The following KMT2C variants were observed in gnomAD, a reference collection of about 807,000 sequenced individuals.
KMT2C encodes lysine methyltransferase 2C, also known as histone-lysine N-methyltransferase 2C.
KMT2C carries 88 observed loss-of-function variants against 507.9 expected under a neutral mutation model. The observed-to-expected ratio is 0.17, with a 90% CI of 0.15 to 0.21. KMT2C has a LOEUF of 0.21. Ranked by LOEUF, KMT2C falls within the 10% of genes least tolerant of loss-of-function variation. The pLI, the probability that KMT2C is intolerant of heterozygous loss-of-function variation, is 1.00. For missense variants in KMT2C, 4,954 were observed against 5,957.8 expected (o/e 0.83, Z 5.55); for synonymous variants, 2,049 against 2,080.8 (o/e 0.98, Z 0.42).
intron 3 of KMT2C, among the ~76,000 whole-genome samples, chr7:152,322,907 T>C (rs910099199): frequency 2.0e-5 from 3 of 152,110 alleles, no homozygotes; most frequent in Admixed American, 2.0e-4. Context: ...AACAGGTACA[T>C]GAGAAAATGT....
Position 152,138,706 on chromosome 7 carries a change from G to A in KMT2C, c.14643+90C>T, listed in dbSNP as rs2090166088. 2 of 817,572 alleles carry A rather than the reference G, an allele frequency of 2.4e-6. No individual in the cohort carries two copies. The highest frequency in any genetic ancestry group is 4.0e-6 in the Non-Finnish European group (2 of 499,738). 50.6% of individuals were successfully genotyped at this position (817,572 alleles called of 1,614,324 possible). ...GAGTTTTTATCACAACAAAGAATTG[G>A]GAAACAAGTGAGTAAGTGACCTGTG... On this transcript the variant is annotated intron_variant, in intron 58 of 58. Transcript: ENST00000262189. This position sits in a 1 kb window ranked among gnomAD's most constrained non-coding sequence, Gnocchi z 4.2.
chr7:152,278,279 T>A (rs75339372), intron 6 of KMT2C, among the ~76,000 whole-genome samples: 6,409 of 152,110 alleles, frequency 0.042, 471 homozygotes, highest in African/African-American at 0.15. Flanking sequence ...TTTTTTTTTT[T>A]AATTTATATT....
rs746486750 is a variant in KMT2C, at chr7:152,202,916, T to C, written c.4092+18A>G. ...TCAATTAACAAACCATGTAAAATAA[T>C]GTAAAGCAAAATATTACTTGTAAAT... On this transcript the variant is annotated intron_variant, in intron 26 of 58. Transcript: ENST00000262189. 9.6e-6 allele frequency: 15 copies of C among 1,568,948 alleles called. No homozygotes were observed. Among genetic ancestry groups the C allele is most frequent in the Non-Finnish European group, 1.2e-5 (14 of 1,147,024 alleles).
In KMT2C at chr7:152,152,830, G is replaced by A. The variant is rs777060178; in HGVS notation, c.12401C>T (p.Pro4134Leu). ...MGLVSSHRIN[P>L]GLEYRQHLLL... ...TAAATGCTGTCGATACTCCAAACCC[G>A]GGTTGATTCTGTGGCTACTGACCAA... Residue 4134 changes from proline to leucine, a missense_variant, in exon 49 of 59, where the codon CCG becomes CTG. Physicochemically the swap from Pro to Leu is moderately conservative, Grantham distance 98. Transcript: ENST00000262189. 42 of 1,614,044 alleles carry A rather than the reference G, an allele frequency of 2.6e-5. No homozygotes were observed. Among genetic ancestry groups the A allele is most frequent in the Non-Finnish European group, 3.1e-5 (37 of 1,180,038 alleles).
chr7:152,215,100 G>A (rs1331872717), intron 23 of KMT2C, among the ~76,000 whole-genome samples: 5 of 151,826 alleles, frequency 3.3e-5, no homozygotes, highest in African/African-American at 1.2e-4. Flanking sequence ...TATCCTACCT[G>A]CCAAAAACAG....
Position 152,182,509 on chromosome 7 carries a change from T to G in KMT2C, c.5351A>C (p.Gln1784Pro). Residue 1784 changes from glutamine (Q) to proline (P), a missense_variant, in exon 36 of 59, where the codon CAA (glutamine) becomes CCA (proline). Physicochemically the swap from Gln to Pro is moderately conservative, Grantham distance 76. Transcript: ENST00000262189. The part of the protein sequence containing the change: ...EQVKNEQQQQ[Q>P]QQQFGSQHLL... ...ATGCTGAGAACCAAATTGCTGTTGTTGCTGCTGCTGCTGCTCATTTTTCAC... is the reference window on the plus strand; with the variant it reads ...ATGCTGAGAACCAAATTGCTGTTGTGGCTGCTGCTGCTGCTCATTTTTCAC... 2 of 1,612,548 alleles carry G rather than the reference T, an allele frequency of 1.2e-6. No individual in the cohort carries two copies. The highest frequency in any genetic ancestry group is 1.7e-6 in the Non-Finnish European group (2 of 1,179,062).
At chr7:152,151,697 T>A in intron 49 of KMT2C, 116 bp from the exon 50 acceptor site, 2 of 700,652 alleles carry the variant, frequency 2.9e-6, no homozygotes, top group Non-Finnish European at 4.3e-6. Context: ...CATTATTCTT[T>A]AATTAATAAA....
chr7:152,179,051 C>T (rs1398113122), intron 37 of KMT2C, among the ~76,000 whole-genome samples: 3 of 152,306 alleles, frequency 2.0e-5, no homozygotes, highest in African/African-American at 7.2e-5. Context: ...AGTGCAGTGG[C>T]GTGACCTCGG....
chr7:152,354,260 G>GA (rs927493219), intron 2 of KMT2C, among the ~76,000 whole-genome samples: 22 of 150,408 alleles, frequency 1.5e-4, no homozygotes, highest in East Asian at 9.7e-4. Flanking sequence ...CTCCAGTAAG[G>GA]AAAAAAAAAT....
At chr7:152,424,154 G>T (rs1047482131) in intron 1 of KMT2C, among the ~76,000 whole-genome samples, 10 of 151,984 alleles carry the variant, frequency 6.6e-5, no homozygotes, top group African/African-American at 2.4e-4. Context: ...CTGTCACCCA[G>T]GCTGGGTGGG....
chr7:152,180,811 G>A lies in KMT2C; in HGVS notation c.7049C>T (p.Ser2350Phe), dbSNP rs2129119170. Residue 2350 changes from serine (S) to phenylalanine (F), a missense_variant, in exon 36 of 59, where the codon TCT becomes TTT. Ser to Phe is a radical substitution (Grantham distance 155). This residue lies in a region of KMT2C where 1,689 missense variants were observed against 1,654.3 expected (regional missense o/e 1.02). Transcript: ENST00000262189. ...AGGTCCAGGAAGTTGGGAGACACCA[G>A]AGAACTGCTGGCCTTGGGAGTGCAT... is the stretch of plus-strand genomic sequence containing the variant. ...SPMHSQGQQF[S>F]GVSQLPGPVP... The A allele has an allele frequency of 1.9e-6, 3 of 1,614,158 alleles. No individual in the cohort carries two copies. Among genetic ancestry groups the A allele is most frequent in the Non-Finnish European group, 2.5e-6 (3 of 1,180,014 alleles).
rs145841359 is a variant in KMT2C, at chr7:152,311,876, C to A, written c.661G>T (p.Ala221Ser). 6.2e-7 allele frequency: 1 copy of A among 1,611,858 alleles called. No individual in the cohort carries two copies. Among genetic ancestry groups the A allele is most frequent in the South Asian group, 1.1e-5 (1 of 90,894 alleles). ...VSTQTASDDQ[A>S]GKLWDELSLV... Reference sequence around the variant, plus strand: ...CTGAGTTCATCCCACAGTTTACCAGCTTGATCATCTGAAGCTGTCTGGGTG... The same window carrying A: ...CTGAGTTCATCCCACAGTTTACCAGATTGATCATCTGAAGCTGTCTGGGTG... The change falls in exon 5 of 59, where the codon GCT (alanine) becomes TCT (serine). Residue 221 changes from alanine to serine, a missense_variant. Ala to Ser is a moderately conservative substitution (Grantham distance 99). Coordinates refer to ENST00000262189, the MANE Select transcript of KMT2C (RefSeq NM_170606.3).
In KMT2C at chr7:152,187,347, T is replaced by C; in HGVS notation, c.4923A>G (p.Lys1641=). 6.2e-7 allele frequency: 1 copy of C among 1,614,178 alleles called. No homozygotes were observed. Among genetic ancestry groups the C allele is most frequent in the Admixed American group, 1.7e-5 (1 of 60,026 alleles). Residue 1641 remains lysine, a synonymous_variant, in exon 33 of 59, where the codon AAA becomes AAG. Transcript: ENST00000262189. ...NAQRSTLKWE[K]EEALGEMATV... ...TTGCCATTTCACCCAGAGCCTCCTCTTTCTCCCACTTAAGCGTGCTTCTCT... is the reference window on the plus strand; with the variant it reads ...TTGCCATTTCACCCAGAGCCTCCTCCTTCTCCCACTTAAGCGTGCTTCTCT...
At chr7:152,367,554 C>G (rs918657796) in intron 1 of KMT2C, 7 of 1,239,114 alleles carry the variant, frequency 5.6e-6, no homozygotes, top group African/African-American at 2.9e-5. Context: ...CATTAATCAA[C>G]TCATTATTCC....
chr7:152,433,964 T>C lies in KMT2C; in HGVS notation c.161+1662A>G, dbSNP rs200591782. ...TGGAGTAAGAATTCAAATGCAAATT[T>C]AAAACAATACTTGCAAATTAATGTT... On this transcript the variant is annotated intron_variant, in intron 1 of 58. Transcript: ENST00000262189. Among the ~76,000 whole-genome samples the C allele has an allele frequency of 1.2e-4, 18 of 151,730 alleles. No individual in the cohort carries two copies. In the East Asian group the frequency reaches 2.5e-3, roughly 21 times the overall value.
intron 1 of KMT2C, among the ~76,000 whole-genome samples, chr7:152,434,139 C>T (rs570391013): frequency 1.9e-4 from 29 of 152,324 alleles, no homozygotes; most frequent in African/African-American, 7.0e-4. Flanking sequence ...CTTCCTTCTA[C>T]AAATTTCAGT....
intron 15 of KMT2C, among the ~76,000 whole-genome samples, chr7:152,236,403 ATAG>A (rs2095275840): frequency 6.6e-6 from 1 of 152,200 alleles, no homozygotes; most frequent in African/African-American, 2.4e-5. Flanking sequence ...ACAATCCCAT[ATAG>A]TAGGTTTTAT....
chr7:152,333,180 T>A (rs1010203676), intron 2 of KMT2C, among the ~76,000 whole-genome samples: 8 of 152,114 alleles, frequency 5.3e-5, no homozygotes, highest in African/African-American at 9.7e-5. Flanking sequence ...AAGGACTCAC[T>A]CTGTCGCCCA....
rs749187227 is a variant in KMT2C, at chr7:152,181,072, C to A, written c.6788G>T (p.Gly2263Val). 1.2e-5 allele frequency: 19 copies of A among 1,614,114 alleles called. No individual in the cohort carries two copies. Among genetic ancestry groups the A allele is most frequent in the Non-Finnish European group, 6.8e-6 (8 of 1,179,998 alleles). ...AAQNRGPALP[G>V]PLVRPPDTCS... ...TGTATCAGGTGGCCTTACCAACGGGCCAGGTAAAGCTGGTCCTCGGTTTTG... is the reference window on the plus strand; with the variant it reads ...TGTATCAGGTGGCCTTACCAACGGGACAGGTAAAGCTGGTCCTCGGTTTTG... Residue 2263 changes from glycine (G) to valine (V), a missense_variant, in exon 36 of 59, where the codon GGC becomes GTC. Coordinates refer to ENST00000262189, the MANE Select transcript of KMT2C (RefSeq NM_170606.3).
Sources: gnomAD v4.1 joint callset for allele counts (sites outside exome capture counted in the v4.1 genomes callset) on GRCh38, gnomAD v4.1.1 for gene constraint, gnomAD v4.1.1 regional missense constraint, Gnocchi (gnomAD v3.1) non-coding constraint, MANE v1.5 for transcripts, NCBI Gene and HGNC (gene_info 2026-07-23, HGNC 2026-07-21) for gene names.